UVRAG: variants seen among roughly 807,000 people sequenced by gnomAD.
The protein encoded by UVRAG is UV radiation resistance associated, also known as UV radiation resistance-associated gene protein.
In UVRAG, 19 loss-of-function variants were observed where a neutral mutation model predicts 78.0. The ratio of observed to expected loss-of-function variants is 0.24; its 90% CI spans 0.17 to 0.36. UVRAG has a LOEUF of 0.36. UVRAG is among the 10% of genes least tolerant of loss of function. The probability of loss-of-function intolerance (pLI) is 1.00; values close to 1 mark genes in which losing one functional copy is unlikely to be tolerated. For synonymous variants in UVRAG, 323 were observed against 324.6 expected, an observed-to-expected ratio of 1.00 and a Z score of 0.05; for missense variants, 740 against 853.8, an observed-to-expected ratio of 0.87 and a Z score of 1.66.
At chr11:75,878,634 G>A (rs113609748) in intron 3 of UVRAG, 10,492 of 157,744 alleles carry the variant, frequency 0.067, 510 homozygotes, top group African/African-American at 0.14. Flanking sequence ...CGAGGCTGGC[G>A]GATCACTCGC....
chr11:75,889,957 T>C (rs1193096929), intron 5 of UVRAG, among the ~76,000 whole-genome samples: 1 of 152,040 alleles, frequency 6.6e-6, no homozygotes, highest in Non-Finnish European at 1.5e-5. Flanking sequence ...TGAATAGAAG[T>C]GAACTGTGTA....
At chr11:76,014,494 G>A (rs528883439) in intron 11 of UVRAG, among the ~76,000 whole-genome samples, 10 of 152,280 alleles carry the variant, frequency 6.6e-5, no homozygotes, top group African/African-American at 2.4e-4. Context: ...TCAAAAGGTG[G>A]TTATTGAAGA....
chr11:76,044,723 G>T (rs572189913), intron 12 of UVRAG, among the ~76,000 whole-genome samples: 1 of 152,092 alleles, frequency 6.6e-6, no homozygotes, highest in African/African-American at 2.4e-5. Context: ...GTAGTGAGCC[G>T]AGATTGTGCT....
chr11:75,949,093 A>G (rs1948636517), intron 6 of UVRAG, among the ~76,000 whole-genome samples: 1 of 152,188 alleles, frequency 6.6e-6, no homozygotes, highest in African/African-American at 2.4e-5. Flanking sequence ...GTGGCAGTCT[A>G]TCTGGGGTGA....
At chr11:76,071,257 A>G (rs1359808761) in intron 13 of UVRAG, among the ~76,000 whole-genome samples, 1 of 152,212 alleles carries the variant, frequency 6.6e-6, no homozygotes, top group Non-Finnish European at 1.5e-5. Flanking sequence ...TGTTGAGCTT[A>G]GATATGAATG....
chr11:75,948,093 ACATCTAATATTAG>A, intron 6 of UVRAG, among the ~76,000 whole-genome samples: 1 of 152,294 alleles, frequency 6.6e-6, no homozygotes, highest in South Asian at 2.1e-4. Context: ...GCAAAGAATA[ACATCTAATATTAG>A]CTTTTTAGAA....
intron 7 of UVRAG, among the ~76,000 whole-genome samples, chr11:75,977,480 C>A (rs1306769089): frequency 1.3e-5 from 2 of 152,130 alleles, no homozygotes; most frequent in Admixed American, 1.3e-4. Context: ...GTGTTAAAGT[C>A]TCCCATTATT....
chr11:76,027,277 G>A (rs1276758278), intron 12 of UVRAG, among the ~76,000 whole-genome samples: 2 of 152,052 alleles, frequency 1.3e-5, no homozygotes, highest in East Asian at 3.9e-4. Flanking sequence ...TCCTGATTTA[G>A]GGAAAGCACT....
intron 1 of UVRAG, among the ~76,000 whole-genome samples, chr11:75,842,789 A>G (rs1006277445): frequency 7.2e-5 from 11 of 152,064 alleles, no homozygotes; most frequent in African/African-American, 2.4e-4. Flanking sequence ...TCTCTAGGTT[A>G]TTGATTATTG....
intron 5 of UVRAG, chr11:75,892,486 T>C: frequency 2.3e-6 from 2 of 854,446 alleles, no homozygotes; most frequent in Non-Finnish European, 2.8e-6. Flanking sequence ...TTTTACCTTA[T>C]TTAAACCTCA....
chr11:76,023,606 T>A (rs1472713862), intron 12 of UVRAG, among the ~76,000 whole-genome samples: 1 of 152,108 alleles, frequency 6.6e-6, no homozygotes, highest in Non-Finnish European at 1.5e-5. Flanking sequence ...AGACACACTT[T>A]GTTTTTAGAA....
At chr11:75,998,406 A>G (rs575775654) in intron 8 of UVRAG, among the ~76,000 whole-genome samples, 1 of 152,364 alleles carries the variant, frequency 6.6e-6, no homozygotes, top group African/African-American at 2.4e-5. Context: ...GACAATACAA[A>G]GAATGGAGAA....
Position 75,823,848 on chromosome 11 carries a change from A to C in UVRAG, c.117+8324A>C, listed in dbSNP as rs116905043. Among the ~76,000 whole-genome samples, 153 of 152,192 alleles carry C rather than the reference A, an allele frequency of 1.0e-3. No homozygotes were observed. The East Asian group carries it at 0.022, about 22-fold the overall frequency. ...GAACTCATGTACAGTTTTTTTGTTT[A>C]TGAGTCTTTCCCTTGAAGAACTTTA... is the stretch of plus-strand genomic sequence containing the variant. On this transcript the variant is annotated intron_variant, in intron 1 of 14. Transcript: ENST00000356136.
chr11:75,861,901 C>T, intron 3 of UVRAG, 121 bp downstream of exon 3: 1 of 772,420 alleles, frequency 1.3e-6, no homozygotes. Flanking sequence ...CGGATCTGCT[C>T]AATTGTTAAA....
intron 5 of UVRAG, among the ~76,000 whole-genome samples, chr11:75,895,728 T>C (rs779657909): frequency 6.6e-6 from 1 of 152,106 alleles, no homozygotes; most frequent in Non-Finnish European, 1.5e-5. Flanking sequence ...CCTCCTACCT[T>C]GGCCTCCCGA....
At chr11:75,992,045 C>T (rs1206597234) in intron 8 of UVRAG, among the ~76,000 whole-genome samples, 1 of 151,950 alleles carries the variant, frequency 6.6e-6, no homozygotes, top group African/African-American at 2.4e-5. Flanking sequence ...CTATTATTAT[C>T]CTTCTAATAA....
chr11:75,993,681 A>G (rs1222827427), intron 8 of UVRAG, among the ~76,000 whole-genome samples: 1 of 152,208 alleles, frequency 6.6e-6, no homozygotes, highest in African/African-American at 2.4e-5. Flanking sequence ...AAGTGTGTTC[A>G]GTAGAATGTA....
chr11:75,929,359 A>G (rs1470773356), intron 6 of UVRAG, among the ~76,000 whole-genome samples: 2 of 152,180 alleles, frequency 1.3e-5, no homozygotes, highest in African/African-American at 2.4e-5. Flanking sequence ...ACCCCCCTCC[A>G]TTCTGTCAGT....
rs144575714 is a variant in UVRAG at position 76,029,844 on chromosome 11, A to G, written c.1226+12864A>G. Reference sequence around the variant, plus strand: ...GCATGCTACATGAAAGGCAAAGTCAATTGATGCCAAAAACTTCATTGTCTT... The same window carrying G: ...GCATGCTACATGAAAGGCAAAGTCAGTTGATGCCAAAAACTTCATTGTCTT... On this transcript the variant is annotated intron_variant, in intron 12 of 14. Coordinates refer to ENST00000356136, the MANE Select transcript of UVRAG (RefSeq NM_003369.4). 3.4e-3 allele frequency among the ~76,000 whole-genome samples: 525 copies of G among 152,320 alleles called. 2 individuals are homozygous for G. Among genetic ancestry groups the G allele is most frequent in the Middle Eastern group, 0.02 (6 of 294 alleles).
Sources: gnomAD v4.1 joint callset for allele counts (sites outside exome capture counted in the v4.1 genomes callset) on GRCh38, gnomAD v4.1.1 for gene constraint, MANE v1.5 for transcripts, NCBI Gene and HGNC (gene_info 2026-07-23, HGNC 2026-07-21) for gene names.